Variants in CAPZB observed in about 807,000 individuals in gnomAD.
CAPZB encodes F-actin-capping protein subunit beta.
CAPZB carries 2 observed loss-of-function variants against 38.1 expected under a neutral mutation model. The observed-to-expected ratio is 0.05, with a 90% CI of 0.02 to 0.17. CAPZB has a LOEUF of 0.17. Among genes scored for constraint, CAPZB ranks in the 10% least tolerant of loss-of-function variants. CAPZB has a pLI of 1.00. For missense variants in CAPZB, 161 were observed against 334.2 expected (o/e 0.48, Z 4.04); for synonymous variants, 107 against 127.4 (o/e 0.84, Z 1.08).
intron 2 of CAPZB, among the ~76,000 whole-genome samples, chr1:19,404,682 C>T (rs2094322136): frequency 1.3e-5 from 2 of 152,106 alleles, no homozygotes; most frequent in Admixed American, 1.3e-4. Flanking sequence ...ATTCACCCAC[C>T]TATCTGGCCA....
chr1:19,456,317 A>T (rs1024411943), intron 1 of CAPZB, among the ~76,000 whole-genome samples: 1 of 152,258 alleles, frequency 6.6e-6, no homozygotes, highest in Non-Finnish European at 1.5e-5. Context: ...AAGAAATTTT[A>T]AAATAATCTG....
rs996663229 is a variant in CAPZB at position 19,356,965 on chromosome 1, G to A, written c.472-214C>T. On this transcript the variant is annotated intron_variant, in intron 5 of 8. Coordinates refer to ENST00000264202, the MANE Select transcript of CAPZB (RefSeq NM_004930.5). This position sits in a 1 kb window ranked among gnomAD's most constrained non-coding sequence, Gnocchi z 4.3. The stretch of plus-strand genomic sequence containing the variant: ...CAGCCTCCACCTCCCAGGTTCAAGC[G>A]ATTCTCCTGCCTCAGCCTCCCAAGT... Among the ~76,000 whole-genome samples, 3 of 151,958 alleles carry A rather than the reference G, an allele frequency of 2.0e-5. No homozygotes were observed. Among genetic ancestry groups the A allele is most frequent in the Non-Finnish European group, 2.9e-5 (2 of 68,000 alleles).
At chr1:19,437,536 C>A (rs1241410416) in intron 1 of CAPZB, among the ~76,000 whole-genome samples, 1 of 152,176 alleles carries the variant, frequency 6.6e-6, no homozygotes, top group African/African-American at 2.4e-5. Context: ...AATGCTAAGT[C>A]CGCTAGCCTC....
At chr1:19,461,867 G>C (rs2100742131) in intron 1 of CAPZB, among the ~76,000 whole-genome samples, 1 of 152,276 alleles carries the variant, frequency 6.6e-6, no homozygotes, top group African/African-American at 2.4e-5. Flanking sequence ...GCTCACTGGG[G>C]TGAATGAAGA....
intron 4 of CAPZB, among the ~76,000 whole-genome samples, chr1:19,375,176 T>C (rs906024213): frequency 5.3e-5 from 8 of 152,236 alleles, no homozygotes; most frequent in African/African-American, 1.9e-4. Flanking sequence ...CCAAGATGTT[T>C]TTAAAAAAGA....
chr1:19,380,559 C>A (rs1327252983), intron 3 of CAPZB, among the ~76,000 whole-genome samples: 1 of 152,232 alleles, frequency 6.6e-6, no homozygotes, highest in African/African-American at 2.4e-5. Flanking sequence ...GTTCTTGTAG[C>A]CTGTCGCTCC....
intron 1 of CAPZB, among the ~76,000 whole-genome samples, chr1:19,448,250 G>A (rs1472480317): frequency 6.6e-6 from 1 of 152,250 alleles, no homozygotes; most frequent in Non-Finnish European, 1.5e-5. Flanking sequence ...CCACCCATGA[G>A]GGACTTTCCC....
At chr1:19,390,994 CA>C (rs373326529) in intron 2 of CAPZB, among the ~76,000 whole-genome samples, 2 of 152,176 alleles carry the variant, frequency 1.3e-5, no homozygotes, top group Non-Finnish European at 2.9e-5. Context: ...AGCTACGGGC[CA>C]ATGTCTGAGG....
chr1:19,339,924 C>A (rs546824989), intron 8 of CAPZB, among the ~76,000 whole-genome samples: 1 of 152,362 alleles, frequency 6.6e-6, no homozygotes, highest in Admixed American at 6.5e-5. Context: ...CCTAAGTTCA[C>A]TCCTCTGTGT....
chr1:19,381,558 CA>C (rs2094174764), intron 3 of CAPZB, among the ~76,000 whole-genome samples: 1 of 152,148 alleles, frequency 6.6e-6, no homozygotes, highest in Admixed American at 6.5e-5. Flanking sequence ...TCATGCTGGT[CA>C]CGGGCATGGC....
intron 2 of CAPZB, among the ~76,000 whole-genome samples, chr1:19,400,546 AGTT>A (rs1218783897): frequency 1.5e-4 from 23 of 152,280 alleles, no homozygotes; most frequent in Admixed American, 1.2e-3. Flanking sequence ...CTGAGGAGGG[AGTT>A]GTTGTCTGCC....
chr1:19,384,512 C>T (rs916866533), intron 3 of CAPZB, among the ~76,000 whole-genome samples: 12 of 152,220 alleles, frequency 7.9e-5, no homozygotes, highest in Non-Finnish European at 8.8e-5. Context: ...AAAAGACCAG[C>T]GACAATAAGT....
chr1:19,468,656 C>G (rs2094576433), intron 1 of CAPZB, among the ~76,000 whole-genome samples: 1 of 152,182 alleles, frequency 6.6e-6, no homozygotes, highest in African/African-American at 2.4e-5. Flanking sequence ...CCAGGACTTC[C>G]TTCTCAGCAT....
chr1:19,390,358 G>A (rs916704463), intron 2 of CAPZB, among the ~76,000 whole-genome samples: 4 of 152,216 alleles, frequency 2.6e-5, no homozygotes, highest in Admixed American at 2.0e-4. Flanking sequence ...GAGGAGGAGC[G>A]GTGCTGACAC....
intron 1 of CAPZB, among the ~76,000 whole-genome samples, chr1:19,427,381 AACTTCATAGACAGCACAAAGGTAAACTC>A (rs1401199199): frequency 1.3e-5 from 2 of 152,238 alleles, no homozygotes; most frequent in East Asian, 3.8e-4. Context: ...CTTAGCAAAT[AACTTCATAGACAGCACAAAGGTAAACTC>A]TGCTGGCGCC....
intron 4 of CAPZB, among the ~76,000 whole-genome samples, chr1:19,377,513 G>A (rs1239819256): frequency 6.6e-6 from 1 of 152,148 alleles, no homozygotes; most frequent in Non-Finnish European, 1.5e-5. Context: ...ACAGACTGGG[G>A]GCCAAGCCCC....
At chr1:19,458,857 C>T (rs1261197892) in intron 1 of CAPZB, among the ~76,000 whole-genome samples, 1 of 152,200 alleles carries the variant, frequency 6.6e-6, no homozygotes, top group Non-Finnish European at 1.5e-5. Context: ...AACAAAATGA[C>T]CAAAGTCAGT....
chr1:19,460,651 G>A (rs1333662042), intron 1 of CAPZB, among the ~76,000 whole-genome samples: 4 of 137,700 alleles, frequency 2.9e-5, no homozygotes, highest in Admixed American at 1.6e-4. Flanking sequence ...GAGCTCAAGC[G>A]ATCCACCCAC....
chr1:19,403,862 G>A (rs1570151621), intron 2 of CAPZB, among the ~76,000 whole-genome samples: 1 of 152,298 alleles, frequency 6.6e-6, no homozygotes, highest in Non-Finnish European at 1.5e-5. Flanking sequence ...TCAGCAGCCT[G>A]AGCTGCACCC....
Sources: gnomAD v4.1 joint callset for allele counts (sites outside exome capture counted in the v4.1 genomes callset) on GRCh38, gnomAD v4.1.1 for gene constraint, Gnocchi (gnomAD v3.1) non-coding constraint, MANE v1.5 for transcripts, NCBI Gene and HGNC (gene_info 2026-07-23, HGNC 2026-07-21) for gene names.